OSBPL10: variants seen among roughly 807,000 people sequenced by gnomAD.
OSBPL10 encodes oxysterol-binding protein-related protein 10.
In OSBPL10, 49 loss-of-function variants were observed where a neutral mutation model predicts 81.7. That is an observed-to-expected ratio of 0.60 (90% confidence interval 0.48 to 0.76). The LOEUF (loss-of-function observed/expected upper bound fraction) is 0.76. Among genes scored for constraint, OSBPL10 ranks in the 30% least tolerant of loss-of-function variants. The pLI, the probability that OSBPL10 is intolerant of heterozygous loss-of-function variation, is 0.00. For synonymous variants in OSBPL10, 419 were observed against 383.6 expected, an observed-to-expected ratio of 1.09 and a Z score of -1.08; for missense variants, 923 against 987.8, an observed-to-expected ratio of 0.93 and a Z score of 0.88.
chr3:31,676,853 G>A (rs1700489863), intron 8 of OSBPL10, among the ~76,000 whole-genome samples: 1 of 152,194 alleles, frequency 6.6e-6, no homozygotes, highest in Non-Finnish European at 1.5e-5. Context: ...ACTTTCCCGT[G>A]GACAGAGGTC....
At chr3:31,695,051 A>G (rs547993671) in intron 7 of OSBPL10, among the ~76,000 whole-genome samples, 26 of 152,282 alleles carry the variant, frequency 1.7e-4, no homozygotes, top group African/African-American at 6.3e-4. Context: ...ACCCGGCCTC[A>G]AAGCATGAAT....
At chr3:31,859,385 C>G (rs1340708658) in intron 3 of OSBPL10, among the ~76,000 whole-genome samples, 1 of 152,208 alleles carries the variant, frequency 6.6e-6, no homozygotes, top group Admixed American at 6.5e-5. Flanking sequence ...TCCCTTATAC[C>G]TCACCCTACA....
At chr3:31,726,992 T>TACC (rs2125651223) in intron 6 of OSBPL10, among the ~76,000 whole-genome samples, 1 of 152,058 alleles carries the variant, frequency 6.6e-6, no homozygotes, top group East Asian at 1.9e-4. Flanking sequence ...CATCGGCACG[T>TACC]ACCCAGCTAA....
intron 2 of OSBPL10, among the ~76,000 whole-genome samples, chr3:31,993,706 A>ACACAC (rs1699060266): frequency 1.3e-5 from 2 of 151,848 alleles, no homozygotes; most frequent in African/African-American, 4.8e-5. Context: ...ACACACACAC[A>ACACAC]AAACTGAGGA....
chr3:32,037,492 A>AAT lies in OSBPL10; in HGVS notation n.298+8998_298+8999insAT. 2.2e-5 allele frequency: 4 copies of AAT among 183,176 alleles called. No homozygotes were observed. The South Asian group carries it at 3.3e-4, about 15-fold the overall frequency. 11.3% of individuals were successfully genotyped at this position (183,176 alleles called of 1,614,324 possible). On this transcript the variant is annotated intron_variant and non_coding_transcript_variant, in intron 2 of 3. Coordinates refer to the OSBPL10 transcript ENST00000479173. ...TAGCAAGACCCCCATTTCTAAAAAA[A>AAT]TTTTTTTTTTCAATTTTTTTAACGA...
In OSBPL10 at chr3:31,669,974, A is replaced by G. The variant is rs116616829; in HGVS notation, c.1913+823T>C. 3.7e-3 allele frequency among the ~76,000 whole-genome samples: 564 copies of G among 152,322 alleles called. 1 individual carries two copies. The highest frequency in any genetic ancestry group is 5.2e-3 in the Non-Finnish European group (352 of 68,026). Reference sequence around the variant, plus strand: ...GTGGCATTCTGGTAAATATTTAACAACTGGATCTCTAAAAGGGAAGACACC... The same window carrying G: ...GTGGCATTCTGGTAAATATTTAACAGCTGGATCTCTAAAAGGGAAGACACC... On this transcript the variant is annotated intron_variant, in intron 9 of 11. Coordinates refer to ENST00000396556, the MANE Select transcript of OSBPL10 (RefSeq NM_017784.5).
intron 1 of OSBPL10, among the ~76,000 whole-genome samples, chr3:31,968,961 G>A (rs985102302): frequency 2.0e-5 from 3 of 152,132 alleles, no homozygotes; most frequent in Admixed American, 6.5e-5. Flanking sequence ...CTCTCTCAAC[G>A]GCACGTACTA....
chr3:31,849,165 C>T (rs1052022146), intron 3 of OSBPL10, among the ~76,000 whole-genome samples: 4 of 152,154 alleles, frequency 2.6e-5, no homozygotes, highest in Non-Finnish European at 4.4e-5. Flanking sequence ...TGAATGAGGC[C>T]ATCCAGGAAT....
intron 2 of OSBPL10, among the ~76,000 whole-genome samples, chr3:32,032,766 C>T (rs976367919): frequency 3.3e-5 from 5 of 152,114 alleles, no homozygotes; most frequent in Admixed American, 6.6e-5. Flanking sequence ...TCTAGGATAA[C>T]GAATTGTGTT....
chr3:32,029,687 T>C (rs1699449180), intron 2 of OSBPL10, among the ~76,000 whole-genome samples: 2 of 152,190 alleles, frequency 1.3e-5, no homozygotes, highest in Admixed American at 1.3e-4. Context: ...CCAAGGAATC[T>C]AATACTCATG....
At chr3:31,982,874 C>A (rs976426340), upstream of OSBPL10, among the ~76,000 whole-genome samples, 1 of 152,210 alleles carries the variant, frequency 6.6e-6, no homozygotes, top group Non-Finnish European at 1.5e-5. Context: ...TCCACATGGA[C>A]CTTAGGCTTG....
chr3:31,696,094 A>G (rs1034919040), intron 7 of OSBPL10, among the ~76,000 whole-genome samples: 5 of 152,312 alleles, frequency 3.3e-5, no homozygotes, highest in Admixed American at 3.3e-4. Flanking sequence ...TCTGGCTCAG[A>G]GCCATGTGGT....
chr3:31,896,805 G>A lies in OSBPL10; in HGVS notation c.282-16975C>T, dbSNP rs115964611. ...TTCCCTACTCAGCACCTTTCCACAG[G>A]CCACAGGAGGCAGAGTTAGCAAAGC... On this transcript the variant is annotated intron_variant, in intron 1 of 11. Coordinates refer to ENST00000396556, the MANE Select transcript of OSBPL10 (RefSeq NM_017784.5). 5.4e-3 allele frequency among the ~76,000 whole-genome samples: 827 copies of A among 152,320 alleles called. 3 individuals are homozygous for A. Among genetic ancestry groups the A allele is most frequent in the African/African-American group, 0.018 (768 of 41,568 alleles).
intron 2 of OSBPL10, among the ~76,000 whole-genome samples, chr3:32,039,042 G>A (rs1035368776): frequency 1.3e-5 from 2 of 151,960 alleles, no homozygotes; most frequent in African/African-American, 2.4e-5. Flanking sequence ...TTATAAAGAG[G>A]GTCAGGGCAT....
At chr3:31,930,008 A>AAC (rs1559522026) in intron 1 of OSBPL10, among the ~76,000 whole-genome samples, 2 of 149,034 alleles carry the variant, frequency 1.3e-5, no homozygotes, top group Admixed American at 6.6e-5. Context: ...CCAACCAAAA[A>AAC]AAAAAAAAAA....
At chr3:31,718,128 CT>C (rs534220816) in intron 6 of OSBPL10, 2,324 of 144,132 alleles carry the variant, frequency 0.016, 35 homozygotes, top group South Asian at 0.037. Context: ...TCTTCTTCTT[CT>C]TTTTTTTTTT....
intron 1 of OSBPL10, among the ~76,000 whole-genome samples, chr3:31,891,935 G>A (rs1429129865): frequency 1.3e-5 from 2 of 152,128 alleles, no homozygotes; most frequent in African/African-American, 4.8e-5. Context: ...TATCTGCTAT[G>A]AGCCAGGTAT....
chr3:31,670,701 A>C, intron 9 of OSBPL10, 96 bp downstream of exon 9: 1 of 1,314,028 alleles, frequency 7.6e-7, no homozygotes, highest in Non-Finnish European at 1.0e-6. Flanking sequence ...TTGATTTTCA[A>C]CTCATCCCAT....
chr3:31,764,252 C>A (rs1216079586), intron 4 of OSBPL10, among the ~76,000 whole-genome samples: 1 of 152,214 alleles, frequency 6.6e-6, no homozygotes, highest in Non-Finnish European at 1.5e-5. Flanking sequence ...AATGAACTCA[C>A]TATAACGAAT....
Sources: allele counts gnomAD v4.1 joint callset (sites outside exome capture counted in the v4.1 genomes callset), GRCh38; gene constraint gnomAD v4.1.1; transcripts MANE v1.5; gene names NCBI Gene and HGNC (gene_info 2026-07-23, HGNC 2026-07-21).